RBMS3: variants seen among roughly 807,000 people sequenced by gnomAD.
The protein encoded by RBMS3 is RNA-binding motif, single-stranded-interacting protein 3.
RBMS3 carries 27 observed loss-of-function variants against 66.8 expected under a neutral mutation model. The ratio of observed to expected loss-of-function variants is 0.40; its 90% CI spans 0.30 to 0.56. The LOEUF is 0.56. Among genes scored for constraint, RBMS3 ranks in the 20% least tolerant of loss-of-function variants. The pLI, the probability that RBMS3 is intolerant of heterozygous loss-of-function variation, is 0.40. For synonymous variants in RBMS3, 188 were observed against 183.0 expected, an observed-to-expected ratio of 1.03 and a Z score of -0.22; for missense variants, 513 against 549.5, an observed-to-expected ratio of 0.93 and a Z score of 0.66.
At chr3:29,544,366 T>C (rs957275312) in intron 3 of RBMS3, among the ~76,000 whole-genome samples, 6 of 146,706 alleles carry the variant, frequency 4.1e-5, no homozygotes, top group African/African-American at 1.6e-4. Flanking sequence ...TCAAGTTGCC[T>C]TCTTGAGAAG....
chr3:29,672,627 G>C (rs1389578910), intron 4 of RBMS3, among the ~76,000 whole-genome samples: 1 of 151,998 alleles, frequency 6.6e-6, no homozygotes, highest in Non-Finnish European at 1.5e-5. Context: ...AAAAAGCAGG[G>C]GTTGCAATCC....
intron 3 of RBMS3, among the ~76,000 whole-genome samples, chr3:29,513,317 C>A (rs1044944279): frequency 2.6e-5 from 4 of 152,124 alleles, no homozygotes; most frequent in Non-Finnish European, 4.4e-5. Context: ...AGCTAGGCTG[C>A]AGGAATTGAG....
chr3:29,886,219 A>G (rs568143117), intron 8 of RBMS3, among the ~76,000 whole-genome samples: 10 of 152,020 alleles, frequency 6.6e-5, no homozygotes, highest in Admixed American at 2.0e-4. Context: ...TTGCCCCAAA[A>G]TGTATTTTAC....
intron 2 of RBMS3, among the ~76,000 whole-genome samples, chr3:29,463,809 A>C (rs2042450552): frequency 6.6e-6 from 1 of 152,012 alleles, no homozygotes; most frequent in Non-Finnish European, 1.5e-5. Flanking sequence ...CCCCTAACCT[A>C]ACCCCACACT....
chr3:29,335,920 A>T (rs2035922083), intron 1 of RBMS3, among the ~76,000 whole-genome samples: 1 of 151,030 alleles, frequency 6.6e-6, no homozygotes, highest in Non-Finnish European at 1.5e-5. Context: ...TTTGAGGGGT[A>T]CTCTGTTCTA....
Position 29,771,417 on chromosome 3 carries a change from C to T in RBMS3, c.637+8428C>T, listed in dbSNP as rs181674372. Among the ~76,000 whole-genome samples the T allele has an allele frequency of 6.1e-4, 93 of 151,990 alleles. 2 individuals are homozygous for T. The East Asian group carries it at 0.017, about 28-fold the overall frequency. ...CCCAATGCCTGGCACAGAACAATAC[C>T]AATATCATTTGTTAAATAAATAAGC... On this transcript the variant is annotated intron_variant, in intron 6 of 14. Coordinates refer to ENST00000383767, the MANE Select transcript of RBMS3 (RefSeq NM_001003793.3).
intron 3 of RBMS3, among the ~76,000 whole-genome samples, chr3:29,533,322 TA>T (rs146383450): frequency 0.044 from 6,511 of 148,870 alleles, 461 homozygotes; most frequent in African/African-American, 0.15. Flanking sequence ...CTGTGAAAAA[TA>T]AAAAAAAAAT....
At chr3:29,407,453 T>C (rs1366941925) in intron 1 of RBMS3, among the ~76,000 whole-genome samples, 1 of 152,332 alleles carries the variant, frequency 6.6e-6, no homozygotes, top group Middle Eastern at 3.4e-3. Flanking sequence ...AATCTACTCA[T>C]GATAATTTGG....
intron 4 of RBMS3, chr3:29,615,149 A>G (rs550181548): frequency 1.3e-5 from 2 of 152,624 alleles, no homozygotes; most frequent in African/African-American, 4.8e-5. Flanking sequence ...TCACCAGGCC[A>G]GATTTTCCTG....
chr3:29,828,929 G>A (rs939589800), intron 6 of RBMS3, among the ~76,000 whole-genome samples: 1 of 152,198 alleles, frequency 6.6e-6, no homozygotes, highest in African/African-American at 2.4e-5. Flanking sequence ...GTAGAAAGAA[G>A]GGTGAAGAAA....
intron 6 of RBMS3, among the ~76,000 whole-genome samples, chr3:29,802,201 T>C (rs548326651): frequency 6.6e-6 from 1 of 152,286 alleles, no homozygotes; most frequent in African/African-American, 2.4e-5. Context: ...AATATCAGAT[T>C]AAGGATCAGC....
At position 29,402,891 on chromosome 3, in the gene RBMS3, A is replaced by G. The variant is rs529953981; in HGVS notation, c.76-31852A>G. Among the ~76,000 whole-genome samples, 3 of 152,110 alleles carry G rather than the reference A, an allele frequency of 2.0e-5. No homozygotes were observed. In the South Asian group the frequency reaches 6.2e-4, roughly 31 times the overall value. On this transcript the variant is annotated intron_variant, in intron 1 of 14. Transcript: ENST00000383767. ...AACTGGAGTTTATGGACACAAAATA[A>G]CTCAGCAGTTCTAAACAGTAGGAGA...
At chr3:29,549,507 C>G (rs140045151) in intron 3 of RBMS3, among the ~76,000 whole-genome samples, 3 of 151,066 alleles carry the variant, frequency 2.0e-5, no homozygotes, top group Non-Finnish European at 4.4e-5. Context: ...TCAAGCAACT[C>G]TCCTGTCTCA....
chr3:29,725,730 C>CA (rs1402865582), intron 4 of RBMS3, among the ~76,000 whole-genome samples: 4 of 151,878 alleles, frequency 2.6e-5, no homozygotes, highest in African/African-American at 4.8e-5. Flanking sequence ...CGCTACCAAC[C>CA]AAAAAAACCC....
intron 1 of RBMS3, among the ~76,000 whole-genome samples, chr3:29,426,263 A>G (rs2040955259): frequency 1.3e-5 from 2 of 152,256 alleles, no homozygotes; most frequent in Non-Finnish European, 2.9e-5. Flanking sequence ...TGCCATTTGA[A>G]AAACTGATAA....
At chr3:29,772,334 A>T (rs1285685371) in intron 6 of RBMS3, among the ~76,000 whole-genome samples, 1 of 152,078 alleles carries the variant, frequency 6.6e-6, no homozygotes, top group South Asian at 2.1e-4. Flanking sequence ...AACAACGGAA[A>T]GCTAATATAC....
chr3:29,386,816 C>T (rs1297195601), intron 1 of RBMS3, among the ~76,000 whole-genome samples: 3 of 152,216 alleles, frequency 2.0e-5, no homozygotes, highest in African/African-American at 7.2e-5. Flanking sequence ...AAAGCCACTT[C>T]AATCATGTTT....
chr3:29,818,145 CAT>C (rs2057968342), intron 6 of RBMS3, among the ~76,000 whole-genome samples: 1 of 152,096 alleles, frequency 6.6e-6, no homozygotes, highest in Non-Finnish European at 1.5e-5. Context: ...CTAAATGACA[CAT>C]GAGAAGCTTA....
At chr3:29,997,841 C>T (rs890295644) in intron 14 of RBMS3, among the ~76,000 whole-genome samples, 1 of 152,122 alleles carries the variant, frequency 6.6e-6, no homozygotes, top group African/African-American at 2.4e-5. Flanking sequence ...TGGAAGCATT[C>T]CCTTTGAAAA....
Sources: allele counts gnomAD v4.1 joint callset (sites outside exome capture counted in the v4.1 genomes callset), GRCh38; gene constraint gnomAD v4.1.1; transcripts MANE v1.5; gene names NCBI Gene and HGNC (gene_info 2026-07-23, HGNC 2026-07-21).